Variants in POU2AF2 observed in about 807,000 individuals in gnomAD.
POU2AF2 encodes the protein POU class 2 homeobox associating factor 2.
chr11:111,271,330 A>C, the POU2AF2 span, among the ~76,000 whole-genome samples: 1 of 152,128 alleles, frequency 6.6e-6, no homozygotes, highest in Non-Finnish European at 1.5e-5. Context: ...TCTCAAAAAA[A>C]AAAAGAAAGA....
chr11:111,285,287 T>G, the POU2AF2 span, among the ~76,000 whole-genome samples: 4 of 152,138 alleles, frequency 2.6e-5, no homozygotes, highest in Admixed American at 2.6e-4. Context: ...CCTTCCCCAC[T>G]GTGTAAATGG....
the POU2AF2 span, among the ~76,000 whole-genome samples, chr11:111,258,095 G>A: frequency 6.6e-6 from 1 of 152,058 alleles, no homozygotes; most frequent in Non-Finnish European, 1.5e-5. Context: ...TCCAGCCTGG[G>A]CAACACAGTG....
the POU2AF2 span, among the ~76,000 whole-genome samples, chr11:111,252,206 T>C: frequency 6.6e-5 from 10 of 152,260 alleles, no homozygotes; most frequent in African/African-American, 2.4e-4. Flanking sequence ...ACTCCCCCTC[T>C]TGCTCAGCCA....
At chr11:111,283,203 T>C in the POU2AF2 span, among the ~76,000 whole-genome samples, 1 of 151,904 alleles carries the variant, frequency 6.6e-6, no homozygotes, top group African/African-American at 2.4e-5. Context: ...ACAGGCATGG[T>C]GGCCCAGCTG....
At chr11:111,252,443 T>G in the POU2AF2 span, among the ~76,000 whole-genome samples, 1 of 152,064 alleles carries the variant, frequency 6.6e-6, no homozygotes. Context: ...GGGATCACAT[T>G]TGAGAATCAC....
At chr11:111,285,576 C>T in the POU2AF2 span, 1 of 1,489,360 alleles carries the variant, frequency 6.7e-7, no homozygotes, top group South Asian at 1.3e-5. Flanking sequence ...GCCCTGAAGC[C>T]ACAGTCTGGC....
At chr11:111,251,644 C>T in the POU2AF2 span, among the ~76,000 whole-genome samples, 1 of 152,206 alleles carries the variant, frequency 6.6e-6, no homozygotes, top group Admixed American at 6.5e-5. Context: ...TCCTCCTAAC[C>T]TGTCCACATG....
the POU2AF2 span, among the ~76,000 whole-genome samples, chr11:111,247,222 C>T: frequency 1.4e-5 from 1 of 72,374 alleles, no homozygotes; most frequent in African/African-American, 4.1e-5. Context: ...AGAGAGAGAC[C>T]GTATTTCTTT....
At chr11:111,269,318 C>G in the POU2AF2 span, among the ~76,000 whole-genome samples, 104,614 of 152,042 alleles carry the variant, frequency 0.69, 36,216 homozygotes, top group South Asian at 0.81. Context: ...CTTTACTAAG[C>G]CTTTCTAAAT....
chr11:111,276,453 A>AAAAAAAAAAAAAAAAATATAT, the POU2AF2 span, among the ~76,000 whole-genome samples: 2 of 37,692 alleles, frequency 5.3e-5, no homozygotes, highest in African/African-American at 1.9e-4. Flanking sequence ...AAAAAAAAAA[A>AAAAAAAAAAAAAAAAATATAT]ATATATATAT....
chr11:111,284,489 A>C, the POU2AF2 span: 1 of 1,286,442 alleles, frequency 7.8e-7, no homozygotes, highest in South Asian at 1.5e-5. Flanking sequence ...CACCCTGTAG[A>C]CTCCAGAGGC....
At chr11:111,263,196 G>C in the POU2AF2 span, among the ~76,000 whole-genome samples, 1 of 151,982 alleles carries the variant, frequency 6.6e-6, no homozygotes, top group African/African-American at 2.4e-5. Context: ...TCACTTTTAA[G>C]ACTTAAATTT....
At chr11:111,277,135 G>A in the POU2AF2 span, among the ~76,000 whole-genome samples, 340 of 152,268 alleles carry the variant, frequency 2.2e-3, 3 homozygotes, top group African/African-American at 7.7e-3. Context: ...GTCAATTGCA[G>A]GTTTAAGATA....
the POU2AF2 span, among the ~76,000 whole-genome samples, chr11:111,282,522 C>A: frequency 6.6e-6 from 1 of 152,172 alleles, no homozygotes; most frequent in Non-Finnish European, 1.5e-5. Context: ...AATTCACATG[C>A]CATTCTTGAA....
the POU2AF2 span, among the ~76,000 whole-genome samples, chr11:111,265,670 G>A: frequency 7.9e-5 from 12 of 152,130 alleles, no homozygotes; most frequent in East Asian, 5.8e-4. Context: ...GGTACATAGC[G>A]GTACTTGATA....
the POU2AF2 span, among the ~76,000 whole-genome samples, chr11:111,263,626 T>A: frequency 6.6e-6 from 1 of 152,014 alleles, no homozygotes; most frequent in African/African-American, 2.4e-5. Flanking sequence ...AGAGACAGGG[T>A]TTCACCATAT....
chr11:111,254,505 T>A, the POU2AF2 span, among the ~76,000 whole-genome samples: 2 of 152,206 alleles, frequency 1.3e-5, no homozygotes, highest in African/African-American at 4.8e-5. Flanking sequence ...TCTAATCCTC[T>A]GAAGACAGCT....
the POU2AF2 span, among the ~76,000 whole-genome samples, chr11:111,276,276 A>G: frequency 6.6e-6 from 1 of 151,406 alleles, no homozygotes; most frequent in African/African-American, 2.4e-5. Flanking sequence ...TAAGGAAAAG[A>G]TTGTCACAAA....
the POU2AF2 span, chr11:111,255,837 A>G: frequency 5.1e-6 from 2 of 393,298 alleles, no homozygotes; most frequent in Non-Finnish European, 9.0e-6. Context: ...TATTGAAGCT[A>G]CTCTATCAAA....
Sources: gnomAD v4.1 joint callset for allele counts (sites outside exome capture counted in the v4.1 genomes callset) on GRCh38, gnomAD v4.1.1 for gene constraint, MANE v1.5 for transcripts, NCBI Gene and HGNC (gene_info 2026-07-23, HGNC 2026-07-21) for gene names.